PLXNC1: variants seen among roughly 807,000 people sequenced by gnomAD.
PLXNC1 encodes the protein plexin C1, also known as plexin-C1.
In PLXNC1, 75 loss-of-function variants were observed where a neutral mutation model predicts 178.2. That is an observed-to-expected ratio of 0.42 (90% CI 0.35 to 0.51). The LOEUF is 0.51. Ranked by LOEUF, PLXNC1 falls within the 20% of genes least tolerant of loss-of-function variation. PLXNC1 has a pLI of 0.02. For synonymous variants in PLXNC1, 790 were observed against 779.9 expected, an observed-to-expected ratio of 1.01 and a Z score of -0.22; for missense variants, 1,503 against 1,984.4, an observed-to-expected ratio of 0.76 and a Z score of 4.61.
chr12:94,273,060 ATC>A (rs1965680478), intron 21 of PLXNC1, among the ~76,000 whole-genome samples: 2 of 151,980 alleles, frequency 1.3e-5, no homozygotes, highest in African/African-American at 4.8e-5. Context: ...ATGCTTCTAA[ATC>A]TCTCTGGTCT....
rs371737558 is a variant in PLXNC1, at chr12:94,228,721, A to G, written c.1980+1486A>G. Among the ~76,000 whole-genome samples, 10 of 152,160 alleles carry G rather than the reference A, an allele frequency of 6.6e-5. No individual in the cohort carries two copies. The South Asian group carries it at 2.1e-3, about 32-fold the overall frequency. ...CCTCAAGGTTCATCTGTGTGGTCGC[A>G]TGGGTCAGAATTCCCTTCTTTTCTA... On this transcript the variant is annotated intron_variant, in intron 9 of 30. Transcript: ENST00000258526.
At chr12:94,240,888 G>T (rs1271730849) in intron 11 of PLXNC1, among the ~76,000 whole-genome samples, 1 of 152,110 alleles carries the variant, frequency 6.6e-6, no homozygotes, top group Non-Finnish European at 1.5e-5. Flanking sequence ...CACCATGGCT[G>T]CTGAGAAACT....
chr12:94,270,763 CTTTT>C (rs71984307), intron 21 of PLXNC1, among the ~76,000 whole-genome samples: 1 of 147,594 alleles, frequency 6.8e-6, no homozygotes, highest in Admixed American at 6.7e-5. Flanking sequence ...ATCTCCATTA[CTTTT>C]TTTTTTTTTT....
chr12:94,207,818 T>A (rs1197531252), intron 4 of PLXNC1, among the ~76,000 whole-genome samples: 1 of 152,266 alleles, frequency 6.6e-6, no homozygotes, highest in African/African-American at 2.4e-5. Context: ...ACTATTTGTA[T>A]GAAATATTTT....
chr12:94,214,597 C>T (rs1330768327), intron 5 of PLXNC1, among the ~76,000 whole-genome samples: 1 of 152,136 alleles, frequency 6.6e-6, no homozygotes, highest in Non-Finnish European at 1.5e-5. Flanking sequence ...AAAAATTATT[C>T]AAATGAATTA....
chr12:94,199,795 G>T (rs572733803), intron 4 of PLXNC1, among the ~76,000 whole-genome samples: 159 of 152,264 alleles, frequency 1.0e-3, no homozygotes, highest in South Asian at 2.7e-3. Flanking sequence ...TGTTTGTTTG[G>T]TTGGTTGGTT....
At chr12:94,168,278 A>T (rs1290070690) in intron 1 of PLXNC1, 6 of 152,182 alleles carry the variant, frequency 3.9e-5, no homozygotes, top group Admixed American at 3.9e-4. Context: ...CTAGCTCCAT[A>T]TCTTCCAGAG....
chr12:94,224,050 T>C (rs1963871245), intron 6 of PLXNC1, among the ~76,000 whole-genome samples, 178 bp from the exon 7 acceptor site: 2 of 152,216 alleles, frequency 1.3e-5, no homozygotes, highest in Non-Finnish European at 2.9e-5. Flanking sequence ...TTCGGCTGCC[T>C]GATGCGAATG....
intron 6 of PLXNC1, among the ~76,000 whole-genome samples, chr12:94,220,708 C>G (rs1007975588): frequency 6.6e-6 from 1 of 152,140 alleles, no homozygotes; most frequent in Admixed American, 6.5e-5. Flanking sequence ...ATACAGGGAA[C>G]ATAGAGTACC....
intron 23 of PLXNC1, among the ~76,000 whole-genome samples, chr12:94,291,813 G>GTA (rs1315156847): frequency 2.6e-5 from 4 of 152,082 alleles, no homozygotes; most frequent in African/African-American, 9.7e-5. Context: ...TGCTACAAGG[G>GTA]TATACTGCAT....
chr12:94,273,443 C>T lies in PLXNC1; in HGVS notation c.3598-6029C>T, dbSNP rs530195565. On this transcript the variant is annotated intron_variant, in intron 21 of 30. Transcript: ENST00000258526. Reference sequence around the variant, plus strand: ...ATTAGAGACTGGAAGCCAAGTGTCTCCATGGTCTAGGGGCCTCCCTCATGA... The same window carrying T: ...ATTAGAGACTGGAAGCCAAGTGTCTTCATGGTCTAGGGGCCTCCCTCATGA... 5.9e-5 allele frequency among the ~76,000 whole-genome samples: 9 copies of T among 152,222 alleles called. No individual in the cohort carries two copies. The South Asian group carries it at 6.2e-4, about 11-fold the overall frequency.
intron 2 of PLXNC1, among the ~76,000 whole-genome samples, chr12:94,174,013 A>G (rs1315643142): frequency 6.8e-6 from 1 of 146,528 alleles, no homozygotes; most frequent in South Asian, 2.2e-4. Flanking sequence ...AGCAGTAAAG[A>G]CTAGTGTCTC....
chr12:94,188,629 T>C (rs1293085188), intron 4 of PLXNC1, among the ~76,000 whole-genome samples: 1 of 152,188 alleles, frequency 6.6e-6, no homozygotes, highest in Admixed American at 6.5e-5. Context: ...CAGCCAGTTT[T>C]GTCTTTTTAA....
intron 4 of PLXNC1, among the ~76,000 whole-genome samples, chr12:94,198,343 G>T (rs1962995547): frequency 6.6e-6 from 1 of 152,078 alleles, no homozygotes; most frequent in African/African-American, 2.4e-5. Context: ...GAGAACACAT[G>T]GACACAGGGA....
chr12:94,155,157 G>A (rs1414040029), intron 1 of PLXNC1, among the ~76,000 whole-genome samples: 1 of 152,186 alleles, frequency 6.6e-6, no homozygotes, highest in African/African-American at 2.4e-5. Flanking sequence ...CAATCTGAGA[G>A]TTACTTTTGA....
chr12:94,244,485 C>T (rs921829559), intron 12 of PLXNC1, among the ~76,000 whole-genome samples: 8 of 152,318 alleles, frequency 5.3e-5, no homozygotes, highest in East Asian at 1.9e-4. Context: ...TCCTTCTCTT[C>T]GACCCAATTT....
chr12:94,265,147 G>C lies in PLXNC1; in HGVS notation c.3519G>C (p.Val1173=). 1 of 1,614,108 alleles carries C rather than the reference G, an allele frequency of 6.2e-7. No individual in the cohort carries two copies. The highest frequency in any genetic ancestry group is 8.5e-7 in the Non-Finnish European group (1 of 1,179,964). ...TLNQKINKGP[V]DVITCKALYT... ...ACCAGAAAATTAACAAGGGTCCCGT[G>C]GATGTAATCACTTGCAAAGCCCTGT... Residue 1173 remains valine (V), a synonymous_variant, in exon 21 of 31, where the codon GTG becomes GTC. Transcript: ENST00000258526.
At chr12:94,275,302 C>A (rs1294713222) in intron 21 of PLXNC1, among the ~76,000 whole-genome samples, 1 of 152,234 alleles carries the variant, frequency 6.6e-6, no homozygotes, top group Non-Finnish European at 1.5e-5. Context: ...AGCCCTAATA[C>A]TAAATAGGGC....
chr12:94,254,911 T>C (rs1365190721), intron 16 of PLXNC1, 23 bp downstream of exon 16: 2 of 1,559,958 alleles, frequency 1.3e-6, no homozygotes, highest in East Asian at 4.5e-5. Context: ...ATTGTGTTTG[T>C]AGAAAAACAA....
Sources: gnomAD v4.1 joint callset for allele counts (sites outside exome capture counted in the v4.1 genomes callset) on GRCh38, gnomAD v4.1.1 for gene constraint, MANE v1.5 for transcripts, NCBI Gene and HGNC (gene_info 2026-07-23, HGNC 2026-07-21) for gene names.